The following ELOVL6 variants were observed in gnomAD, a reference collection of about 807,000 sequenced individuals.
ELOVL6 encodes the protein ELOVL fatty acid elongase 6.
Under a neutral mutation model 31.7 loss-of-function variants are expected in ELOVL6, and 8 were observed. That is an observed-to-expected ratio of 0.25 (90% CI 0.15 to 0.45). ELOVL6 has a LOEUF of 0.45. ELOVL6 is among the 20% of genes least tolerant of loss of function. The pLI is 1.00. For missense variants in ELOVL6, 126 were observed against 326.4 expected, an observed-to-expected ratio of 0.39 and a Z score of 4.73; for synonymous variants, 101 against 117.7, an observed-to-expected ratio of 0.86 and a Z score of 0.92.
At chr4:110,149,233 G>C (rs1336622497) in intron 1 of ELOVL6, among the ~76,000 whole-genome samples, 1 of 152,110 alleles carries the variant, frequency 6.6e-6, no homozygotes, top group East Asian at 1.9e-4. Flanking sequence ...ATTTCTTCGA[G>C]AACTAAAAAT....
chr4:110,098,528 T>C (rs1469868459), intron 2 of ELOVL6, among the ~76,000 whole-genome samples: 2 of 152,180 alleles, frequency 1.3e-5, no homozygotes, highest in Admixed American at 1.3e-4. Context: ...ACAAAAGGAA[T>C]TGAAGCCCCC....
chr4:110,191,304 C>T (rs555865183), intron 1 of ELOVL6, among the ~76,000 whole-genome samples: 2 of 152,236 alleles, frequency 1.3e-5, no homozygotes, highest in African/African-American at 4.8e-5. Context: ...TGAGTTTTAA[C>T]ATTACAATAT....
At chr4:110,192,343 A>AT (rs1178669179) in intron 1 of ELOVL6, among the ~76,000 whole-genome samples, 30 of 152,214 alleles carry the variant, frequency 2.0e-4, no homozygotes, top group African/African-American at 7.2e-4. Flanking sequence ...TACGAGGAAG[A>AT]TTTCAGGAAG....
At chr4:110,181,528 G>A (rs904222997) in intron 1 of ELOVL6, among the ~76,000 whole-genome samples, 1 of 152,100 alleles carries the variant, frequency 6.6e-6, no homozygotes, top group Admixed American at 6.6e-5. Flanking sequence ...AGACAATGGA[G>A]AGAAAAAGAC....
intron 2 of ELOVL6, among the ~76,000 whole-genome samples, chr4:110,098,664 G>A (rs774938494): frequency 1.5e-4 from 23 of 151,818 alleles, no homozygotes; most frequent in Non-Finnish European, 2.4e-4. Flanking sequence ...TAGTATTAAC[G>A]AGTTTTTAAA....
At chr4:110,074,923 A>G (rs1755588441) in intron 2 of ELOVL6, among the ~76,000 whole-genome samples, 1 of 152,180 alleles carries the variant, frequency 6.6e-6, no homozygotes, top group Admixed American at 6.5e-5. Context: ...TATGTAAAGA[A>G]CAATTACAAC....
chr4:110,101,988 A>G (rs1451806818), intron 2 of ELOVL6, among the ~76,000 whole-genome samples: 1 of 152,176 alleles, frequency 6.6e-6, no homozygotes, highest in Admixed American at 6.5e-5. Context: ...TTCTTCTAGT[A>G]TCTCTATAAA....
chr4:110,089,121 C>A (rs1489083979), intron 2 of ELOVL6, among the ~76,000 whole-genome samples: 1 of 152,102 alleles, frequency 6.6e-6, no homozygotes, highest in Non-Finnish European at 1.5e-5. Flanking sequence ...AAATGTTACT[C>A]CGACAGCTAT....
chr4:110,054,078 G>A (rs1405785499), intron 3 of ELOVL6, among the ~76,000 whole-genome samples: 1 of 152,096 alleles, frequency 6.6e-6, no homozygotes, highest in Non-Finnish European at 1.5e-5. Flanking sequence ...TCTAGGCCTG[G>A]GCAACAGGGC....
intron 2 of ELOVL6, among the ~76,000 whole-genome samples, chr4:110,077,044 G>T (rs1055071092): frequency 6.6e-6 from 1 of 152,186 alleles, no homozygotes; most frequent in Non-Finnish European, 1.5e-5. Context: ...GGAGAGGGGC[G>T]CCTGCCATTG....
intron 2 of ELOVL6, 152 bp from the exon 3 acceptor site, chr4:110,059,906 G>A: frequency 6.1e-6 from 4 of 658,760 alleles, no homozygotes; most frequent in Non-Finnish European, 1.0e-5. Flanking sequence ...AAAATGTTCT[G>A]TAAACAAGAG....
intron 1 of ELOVL6, among the ~76,000 whole-genome samples, chr4:110,162,201 AT>A (rs1361743102): frequency 6.6e-6 from 1 of 152,244 alleles, no homozygotes; most frequent in Non-Finnish European, 1.5e-5. Flanking sequence ...TGATTGAAAG[AT>A]TACCCATAGT....
At chr4:110,078,978 C>A (rs971624451) in intron 2 of ELOVL6, among the ~76,000 whole-genome samples, 3 of 152,028 alleles carry the variant, frequency 2.0e-5, no homozygotes, top group African/African-American at 7.2e-5. Flanking sequence ...CAACAAAGAT[C>A]AAAAGAGACA....
chr4:110,084,084 G>T (rs796702718), intron 2 of ELOVL6, among the ~76,000 whole-genome samples: 14 of 77,664 alleles, frequency 1.8e-4, no homozygotes, highest in South Asian at 4.5e-4. Flanking sequence ...TGCTATATAT[G>T]ATATATAACA....
intron 1 of ELOVL6, among the ~76,000 whole-genome samples, chr4:110,152,601 T>G (rs1012848597): frequency 2.6e-5 from 4 of 152,176 alleles, no homozygotes; most frequent in Non-Finnish European, 5.9e-5. Context: ...ATGAAACACC[T>G]GGGAATCTTG....
intron 1 of ELOVL6, among the ~76,000 whole-genome samples, chr4:110,140,470 C>T (rs1490406113): frequency 6.6e-6 from 1 of 151,898 alleles, no homozygotes; most frequent in Non-Finnish European, 1.5e-5. Flanking sequence ...ACTCTGTCGC[C>T]CAGGCTGAAG....
At chr4:110,192,081 TCA>T in intron 1 of ELOVL6, among the ~76,000 whole-genome samples, 1 of 150,820 alleles carries the variant, frequency 6.6e-6, no homozygotes, top group Non-Finnish European at 1.5e-5. Context: ...ACCCAGCTAC[TCA>T]GGAGGTTGAG....
At chr4:110,075,774 C>A (rs541863985) in intron 2 of ELOVL6, among the ~76,000 whole-genome samples, 35 of 152,220 alleles carry the variant, frequency 2.3e-4, no homozygotes, top group African/African-American at 8.4e-4. Flanking sequence ...CCACCACCAC[C>A]ACAGCAGCAC....
intron 2 of ELOVL6, among the ~76,000 whole-genome samples, chr4:110,070,050 A>T (rs72898540): frequency 0.011 from 1,689 of 152,310 alleles, 31 homozygotes; most frequent in African/African-American, 0.038. Context: ...CTGGAATTTT[A>T]AACCTAAAGA....
Sources: allele counts gnomAD v4.1 joint callset (sites outside exome capture counted in the v4.1 genomes callset), GRCh38; gene constraint gnomAD v4.1.1; transcripts MANE v1.5; gene names NCBI Gene and HGNC (gene_info 2026-07-23, HGNC 2026-07-21).